CHN2: variants seen among roughly 807,000 people sequenced by gnomAD.
CHN2 encodes the protein chimerin 2.
A neutral mutation model predicts 56.3 loss-of-function variants in CHN2; 35 were observed. That is an observed-to-expected ratio of 0.62 (90% CI 0.47 to 0.82). The LOEUF is 0.82. Ranked by LOEUF, CHN2 falls within the 40% of genes least tolerant of loss-of-function variation. The pLI, the probability that CHN2 is intolerant of heterozygous loss-of-function variation, is 0.00. For synonymous variants in CHN2, 210 were observed against 212.8 expected (o/e 0.99, Z 0.12); for missense variants, 491 against 580.5 (o/e 0.85, Z 1.58).
intron 1 of CHN2, among the ~76,000 whole-genome samples, chr7:29,211,450 GCACACACACACACACA>G (rs148200755): frequency 8.7e-5 from 12 of 138,446 alleles, no homozygotes; most frequent in South Asian, 2.5e-4. Flanking sequence ...CTGCATGTTG[GCACACACACACACACA>G]CACACACACA....
At chr7:29,405,087 C>G (rs1318080565) in intron 6 of CHN2, among the ~76,000 whole-genome samples, 1 of 151,282 alleles carries the variant, frequency 6.6e-6, no homozygotes, top group Non-Finnish European at 1.5e-5. Flanking sequence ...AAATAATGCG[C>G]TGTGTATTAA....
At chr7:29,351,231 A>G (rs1340380091) in intron 1 of CHN2, among the ~76,000 whole-genome samples, 1 of 152,168 alleles carries the variant, frequency 6.6e-6, no homozygotes, top group Non-Finnish European at 1.5e-5. Context: ...AAGAAGCTAC[A>G]TAACCTCCTT....
intron 1 of CHN2, among the ~76,000 whole-genome samples, chr7:29,335,306 C>T (rs1293802626): frequency 6.6e-6 from 1 of 152,150 alleles, no homozygotes; most frequent in Admixed American, 6.5e-5. Context: ...CATATGAAAA[C>T]CTAAAAACAG....
intron 1 of CHN2, among the ~76,000 whole-genome samples, chr7:29,221,133 A>G (rs1785761439): frequency 6.6e-6 from 1 of 152,220 alleles, no homozygotes; most frequent in South Asian, 2.1e-4. Flanking sequence ...ATACTTAATG[A>G]TAAAGTAATA....
In CHN2 at chr7:29,482,797, C is replaced by CT. The variant is rs375120538; in HGVS notation, c.654+2483dup. ...TGCTAGGTGCTGTCTGCACTTTTTT[C>CT]TTTTTTTTTTTTTTTTTTTTTTTTT... On this transcript the variant is annotated intron_variant, in intron 7 of 12. Coordinates refer to ENST00000222792, the MANE Select transcript of CHN2 (RefSeq NM_004067.4). Among the ~76,000 whole-genome samples the CT allele has an allele frequency of 4.0e-4, 26 of 64,210 alleles. 4 individuals are homozygous for CT. Among genetic ancestry groups the CT allele is most frequent in the Non-Finnish European group, 5.0e-4 (17 of 34,258 alleles). The allele number at this position is 64,210 out of a possible 152,430, so 42.1% of individuals were successfully genotyped here. A position where few individuals can be genotyped will look rare whatever the true frequency, so the allele number is the denominator to read the frequency against.
At chr7:29,393,400 T>C (rs184872016) in intron 3 of CHN2, among the ~76,000 whole-genome samples, 1 of 152,324 alleles carries the variant, frequency 6.6e-6, no homozygotes, top group Admixed American at 6.5e-5. Flanking sequence ...ACAAATTCCT[T>C]AATATTAAAA....
At chr7:29,195,398 C>T (rs1783560885) in intron 1 of CHN2, 1 of 207,414 alleles carries the variant, frequency 4.8e-6, no homozygotes, top group Non-Finnish European at 9.5e-6. Context: ...ACACCCAAAT[C>T]CGGAGCAGAG....
chr7:29,173,069 T>G (rs980323735), intron 2 of CHN2, among the ~76,000 whole-genome samples: 52 of 150,994 alleles, frequency 3.4e-4, no homozygotes, highest in African/African-American at 1.1e-3. Flanking sequence ...AGGCAGAGGT[T>G]GCAGTGAGCT....
chr7:29,385,371 A>G (rs946512862), intron 3 of CHN2, among the ~76,000 whole-genome samples: 7 of 152,056 alleles, frequency 4.6e-5, no homozygotes, highest in African/African-American at 1.7e-4. Flanking sequence ...GGCACTATTG[A>G]CCTTTTAGGG....
rs190053815 is a variant in CHN2, at chr7:29,357,726, T to C, written c.88+3063T>C. 2.3e-3 allele frequency among the ~76,000 whole-genome samples: 357 copies of C among 152,314 alleles called. 1 individual carries two copies. In the Middle Eastern group the frequency reaches 0.037, roughly 16 times the overall value. ...TTGCATGTGGGTCTTGAAGGATGAC[T>C]AGGAGAAGGAATCTGAGGGCCTTCA... On this transcript the variant is annotated intron_variant, in intron 2 of 12. Transcript: ENST00000222792.
chr7:29,439,319 A>G (rs1235723095), intron 6 of CHN2, among the ~76,000 whole-genome samples: 1 of 152,198 alleles, frequency 6.6e-6, no homozygotes, highest in Non-Finnish European at 1.5e-5. Flanking sequence ...TTAGGATGGA[A>G]CTTTGCCTGG....
At chr7:29,278,241 G>T (rs779481998) in intron 1 of CHN2, among the ~76,000 whole-genome samples, 4 of 152,128 alleles carry the variant, frequency 2.6e-5, no homozygotes, top group African/African-American at 7.2e-5. Flanking sequence ...CAGAGATTCT[G>T]ATTTCAATTG....
At chr7:29,259,674 T>G (rs1161772787) in intron 1 of CHN2, among the ~76,000 whole-genome samples, 1 of 152,166 alleles carries the variant, frequency 6.6e-6, no homozygotes, top group East Asian at 1.9e-4. Context: ...AATACTGTAT[T>G]GTATACTTGA....
At chr7:29,457,629 G>T (rs1784862475) in intron 6 of CHN2, among the ~76,000 whole-genome samples, 1 of 152,192 alleles carries the variant, frequency 6.6e-6, no homozygotes, top group Non-Finnish European at 1.5e-5. Context: ...GGTTTCAACA[G>T]CAAGTCTCTG....
chr7:29,191,382 A>C (rs1224780438), upstream of CHN2, among the ~76,000 whole-genome samples: 3 of 152,182 alleles, frequency 2.0e-5, no homozygotes, highest in African/African-American at 7.2e-5. Context: ...ATCAGGGAAA[A>C]CTTTCCAGAG....
chr7:29,208,114 C>A (rs936870945), intron 1 of CHN2, among the ~76,000 whole-genome samples: 6 of 152,152 alleles, frequency 3.9e-5, no homozygotes, highest in Admixed American at 2.6e-4. Flanking sequence ...GGTAGATAAA[C>A]TTTCTGTTAA....
Position 29,459,166 on chromosome 7 carries a change from G to T in CHN2, c.577-21113G>T, listed in dbSNP as rs535458106. 2.0e-5 allele frequency among the ~76,000 whole-genome samples: 3 copies of T among 152,188 alleles called. No homozygotes were observed. In the East Asian group the frequency reaches 5.8e-4, roughly 29 times the overall value. On this transcript the variant is annotated intron_variant, in intron 6 of 12. Transcript: ENST00000222792. The stretch of plus-strand genomic sequence containing the variant: ...GGTGGGTCAGGGGTCAGATTCTCCC[G>T]CTCGGAAGGCTATGAAAGGCTCAAG...
rs368688692 is a variant in CHN2, at chr7:29,313,923, G to A, written c.50-40702G>A. ...TGTCTAGGGAGTGCCATTCCTATTT[G>A]GTTAGAGCCATTCTGCCCAGTGTAT... On this transcript the variant is annotated intron_variant, in intron 1 of 12. Transcript: ENST00000222792. 3.7e-4 allele frequency among the ~76,000 whole-genome samples: 56 copies of A among 152,250 alleles called. 1 individual carries two copies. The highest frequency in any genetic ancestry group is 1.3e-3 in the African/African-American group (56 of 41,546).
intron 6 of CHN2, among the ~76,000 whole-genome samples, chr7:29,464,463 G>T (rs1220615102): frequency 1.3e-5 from 2 of 152,204 alleles, no homozygotes; most frequent in Non-Finnish European, 2.9e-5. Context: ...CGTAAAGGTT[G>T]ATAGGTGCAG....
Sources: allele counts gnomAD v4.1 joint callset (sites outside exome capture counted in the v4.1 genomes callset), GRCh38; gene constraint gnomAD v4.1.1; transcripts MANE v1.5; gene names NCBI Gene and HGNC (gene_info 2026-07-23, HGNC 2026-07-21).